SUGCT: variants seen among roughly 807,000 people sequenced by gnomAD.
SUGCT encodes succinyl-CoA:glutarate-CoA transferase.
In SUGCT, 41 loss-of-function variants were observed where a neutral mutation model predicts 55.0. The ratio of observed to expected loss-of-function variants is 0.74; its 90% CI spans 0.58 to 0.97. The LOEUF is 0.97. SUGCT is among the 50% of genes least tolerant of loss of function. SUGCT has a pLI of 0.00. For missense variants in SUGCT, 568 were observed against 547.8 expected (o/e 1.04, Z -0.37); for synonymous variants, 187 against 200.4 (o/e 0.93, Z 0.56).
intron 12 of SUGCT, among the ~76,000 whole-genome samples, chr7:40,655,293 C>CAA (rs148915118): frequency 1.3e-4 from 19 of 150,748 alleles, no homozygotes; most frequent in African/African-American, 4.6e-4. Flanking sequence ...GATCCTGTCT[C>CAA]AAAAAAAAAT....
chr7:40,903,038 T>TTTTCTTTTCTTTTC, the SUGCT span, among the ~76,000 whole-genome samples: 3 of 111,754 alleles, frequency 2.7e-5, no homozygotes, highest in African/African-American at 1.2e-4. Context: ...TTTTCTTTTC[T>TTTTCTTTTCTTTTC]TTTTTTTTTT....
At chr7:40,448,553 A>G (rs1357475273) in intron 9 of SUGCT, among the ~76,000 whole-genome samples, 4 of 152,042 alleles carry the variant, frequency 2.6e-5, no homozygotes, top group Admixed American at 2.0e-4. Context: ...CTATCCAAAT[A>G]TAAAAGAAAA....
the SUGCT span, among the ~76,000 whole-genome samples, chr7:40,970,273 G>A: frequency 6.6e-6 from 1 of 152,140 alleles, no homozygotes; most frequent in Non-Finnish European, 1.5e-5. Flanking sequence ...CTGGGTTCAA[G>A]TGATTCTCCT....
At chr7:40,968,050 T>C in the SUGCT span, 3 of 152,186 alleles carry the variant, frequency 2.0e-5, no homozygotes, top group African/African-American at 7.2e-5. Context: ...CATTTTTCTT[T>C]TCTTCTTTCA....
intron 12 of SUGCT, among the ~76,000 whole-genome samples, chr7:40,583,818 A>G (rs774545005): frequency 2.0e-5 from 3 of 152,146 alleles, no homozygotes; most frequent in African/African-American, 2.4e-5. Context: ...TGACCAATAC[A>G]CAGCTGCTAA....
At chr7:40,928,727 A>G in the SUGCT span, among the ~76,000 whole-genome samples, 1 of 151,414 alleles carries the variant, frequency 6.6e-6, no homozygotes, top group Non-Finnish European at 1.5e-5. Context: ...AGCCTCCTGA[A>G]TAGCTGGGAC....
chr7:40,408,394 C>T (rs1388171905), intron 9 of SUGCT, among the ~76,000 whole-genome samples: 1 of 152,002 alleles, frequency 6.6e-6, no homozygotes, highest in Non-Finnish European at 1.5e-5. Context: ...TTATTTTTAT[C>T]CCATCCTAGT....
At chr7:40,731,744 A>G (rs1422805922) in intron 12 of SUGCT, among the ~76,000 whole-genome samples, 1 of 152,226 alleles carries the variant, frequency 6.6e-6, no homozygotes, top group Admixed American at 6.5e-5. Context: ...GAGAGTGGCA[A>G]AGCTAGTTCC....
chr7:40,529,256 A>T (rs1424086904), intron 12 of SUGCT, among the ~76,000 whole-genome samples: 1 of 152,182 alleles, frequency 6.6e-6, no homozygotes, highest in Admixed American at 6.5e-5. Flanking sequence ...GACCCTCTTT[A>T]TAGTGAAATG....
intron 9 of SUGCT, among the ~76,000 whole-genome samples, 196 bp downstream of exon 9, chr7:40,317,051 A>G (rs1584663498): frequency 6.9e-6 from 1 of 144,736 alleles, no homozygotes; most frequent in East Asian, 2.1e-4. Flanking sequence ...TTCATCAGAA[A>G]GAGATTAGTA....
At chr7:40,900,900 G>T in the SUGCT span, among the ~76,000 whole-genome samples, 1 of 152,176 alleles carries the variant, frequency 6.6e-6, no homozygotes, top group Admixed American at 6.5e-5. Context: ...TCAAAAGCAC[G>T]TGCAATTCAA....
In SUGCT at chr7:40,820,698, A is replaced by ATC. The variant is rs1234506392; in HGVS notation, c.1154-39617_1154-39616insCT. On this transcript the variant is annotated intron_variant, in intron 13 of 13. Transcript: ENST00000335693. ...AATGGGGTTTTCTAAATATACAATC[A>ATC]TGTCATCTGCAAACAGGGACAATTT... Among the ~76,000 whole-genome samples, 64 of 152,330 alleles carry ATC rather than the reference A, an allele frequency of 4.2e-4. 1 individual carries two copies. Among genetic ancestry groups the ATC allele is most frequent in the African/African-American group, 1.4e-3 (59 of 41,582 alleles).
rs781116584 is a variant in SUGCT at position 40,749,430 on chromosome 7, T to G, written c.1090-4T>G. 3.1e-6 allele frequency: 5 copies of G among 1,612,874 alleles called. No homozygotes were observed. In the South Asian group the frequency reaches 3.3e-5, roughly 11 times the overall value. The stretch of plus-strand genomic sequence containing the variant: ...TATTTTTCTCTCTGTTTTTGCCTTT[T>G]CAGGTATTACACAATGGCCTCGTTA... On this transcript the variant is annotated splice_polypyrimidine_tract_variant and splice_region_variant and intron_variant, in intron 12 of 13. Transcript: ENST00000335693.
At chr7:40,706,485 G>A (rs952057921) in intron 12 of SUGCT, among the ~76,000 whole-genome samples, 4 of 152,186 alleles carry the variant, frequency 2.6e-5, no homozygotes, top group African/African-American at 7.2e-5. Flanking sequence ...CAACCTGAGC[G>A]ACAGAGCGAG....
the SUGCT span, among the ~76,000 whole-genome samples, chr7:40,959,421 G>A: frequency 6.6e-6 from 1 of 152,232 alleles, no homozygotes; most frequent in East Asian, 1.9e-4. Flanking sequence ...CCAAGCTGTG[G>A]TGGGCTCTGC....
chr7:40,192,107 C>CAAAAAA (rs34662909), intron 5 of SUGCT, among the ~76,000 whole-genome samples: 3 of 61,322 alleles, frequency 4.9e-5, no homozygotes, highest in South Asian at 7.4e-4. Flanking sequence ...GATTCCATCT[C>CAAAAAA]AAAAAAAAAA....
chr7:40,136,365 G>A (rs115025708), intron 1 of SUGCT, among the ~76,000 whole-genome samples: 2,679 of 152,284 alleles, frequency 0.018, 77 homozygotes, highest in African/African-American at 0.062. Context: ...GCCTGGACCT[G>A]TGATTTCCAT....
intron 12 of SUGCT, among the ~76,000 whole-genome samples, chr7:40,541,209 AATAAG>A (rs1442736471): frequency 1.3e-5 from 2 of 150,396 alleles, no homozygotes; most frequent in Non-Finnish European, 3.0e-5. Flanking sequence ...TGAAAGCAAT[AATAAG>A]ATGTCACTAA....
At chr7:40,876,939 C>CT in the SUGCT span, among the ~76,000 whole-genome samples, 1 of 151,596 alleles carries the variant, frequency 6.6e-6, no homozygotes, top group African/African-American at 2.4e-5. Flanking sequence ...TCCCCGAGAT[C>CT]TTTTTTTTTC....
Sources: allele counts gnomAD v4.1 joint callset (sites outside exome capture counted in the v4.1 genomes callset), GRCh38; gene constraint gnomAD v4.1.1; transcripts MANE v1.5; gene names NCBI Gene and HGNC (gene_info 2026-07-23, HGNC 2026-07-21).